Variants in MEF2C observed in about 807,000 individuals in gnomAD.
MEF2C encodes myocyte-specific enhancer factor 2C.
In MEF2C, 6 loss-of-function variants were observed where a neutral mutation model predicts 50.5. That is an observed-to-expected ratio of 0.12 (90% confidence interval 0.07 to 0.23). The LOEUF (loss-of-function observed/expected upper bound fraction) is 0.23. Among genes scored for constraint, MEF2C ranks in the 10% least tolerant of loss-of-function variants. The probability of loss-of-function intolerance (pLI) is 1.00; values close to 1 mark genes in which losing one functional copy is unlikely to be tolerated. For synonymous variants in MEF2C, 183 were observed against 228.0 expected (o/e 0.80, Z 1.78); for missense variants, 276 against 605.0 (o/e 0.46, Z 5.70).
chr5:88,728,727 G>T, intron 9 of MEF2C, 99 bp from the exon 10 acceptor site: 1 of 850,628 alleles, frequency 1.2e-6, no homozygotes, highest in Non-Finnish European at 1.6e-6. Context: ...TATTCTATTA[G>T]GATTATCGTT....
chr5:88,753,005 G>A (rs565002684), intron 4 of MEF2C, among the ~76,000 whole-genome samples: 129 of 152,230 alleles, frequency 8.5e-4, no homozygotes, highest in Non-Finnish European at 1.3e-3. Context: ...ATTTATAGAA[G>A]GCATTAAGGC....
rs746635842 is a variant in MEF2C at position 88,781,971 on chromosome 5, AAAAACAAAAC to A, written c.259-20653_259-20644del. ...CTGGGCAACAGAGTGAGACTCTGTC[AAAAACAAAAC>A]AAAACAAAACAAAAAACTGCACATG... On this transcript the variant is annotated intron_variant, in intron 3 of 10. Transcript: ENST00000504921. 1.9e-5 allele frequency: 6 copies of A among 317,000 alleles called. No homozygotes were observed. In the South Asian group the frequency reaches 6.4e-4, roughly 34 times the overall value. The allele number at this position is 317,000 out of a possible 1,614,324, so 19.6% of individuals were successfully genotyped here. A position where few individuals can be genotyped will look rare whatever the true frequency, so the allele number is the denominator to read the frequency against.
At chr5:88,802,674 C>G (rs1040859157) in intron 3 of MEF2C, among the ~76,000 whole-genome samples, 1 of 152,168 alleles carries the variant, frequency 6.6e-6, no homozygotes, top group African/African-American at 2.4e-5. Flanking sequence ...CTCTCAAACT[C>G]CTGAGCTCAG....
chr5:88,775,153 T>C (rs1784184836), intron 3 of MEF2C, among the ~76,000 whole-genome samples: 1 of 152,242 alleles, frequency 6.6e-6, no homozygotes, highest in Non-Finnish European at 1.5e-5. Context: ...AGAGTATTTC[T>C]AGGACCGACA....
At chr5:88,854,403 T>A (rs908865276) in intron 1 of MEF2C, among the ~76,000 whole-genome samples, 7 of 152,192 alleles carry the variant, frequency 4.6e-5, no homozygotes, top group African/African-American at 7.2e-5. Context: ...CTACATTTTA[T>A]CAAACTTGGA....
intron 1 of MEF2C, among the ~76,000 whole-genome samples, chr5:88,892,767 C>T (rs914560031): frequency 5.3e-5 from 8 of 152,124 alleles, no homozygotes; most frequent in Non-Finnish European, 8.8e-5. Context: ...CCTGGTTGAC[C>T]TTTGGAATGC....
intron 4 of MEF2C, chr5:88,760,975 CT>C: frequency 6.2e-7 from 1 of 1,603,702 alleles, no homozygotes; most frequent in South Asian, 1.1e-5. Context: ...AGCCATCTAC[CT>C]TTGGTACTTA....
At chr5:88,834,232 G>A (rs1432153238) in intron 1 of MEF2C, among the ~76,000 whole-genome samples, 1 of 152,126 alleles carries the variant, frequency 6.6e-6, no homozygotes, top group Non-Finnish European at 1.5e-5. Context: ...TGCAGTCCAC[G>A]CTACCTGCCA....
chr5:88,787,414 C>A (rs1477269526), intron 3 of MEF2C, among the ~76,000 whole-genome samples: 1 of 151,530 alleles, frequency 6.6e-6, no homozygotes, highest in African/African-American at 2.4e-5. Context: ...TCATGACAGC[C>A]CCGTAAGGAG....
At chr5:88,765,801 A>T (rs538046500) in intron 3 of MEF2C, among the ~76,000 whole-genome samples, 118 of 152,298 alleles carry the variant, frequency 7.7e-4, no homozygotes, top group Non-Finnish European at 1.4e-3. Context: ...AAGGCAAGAG[A>T]TCTCCTAAAA....
intron 6 of MEF2C, chr5:88,735,226 G>C: frequency 3.0e-6 from 3 of 985,392 alleles, no homozygotes; most frequent in Non-Finnish European, 3.6e-6. Flanking sequence ...GGCCTGTGTT[G>C]AGCCTGTTGT....
intron 1 of MEF2C, among the ~76,000 whole-genome samples, chr5:88,850,845 C>T (rs2153382755): frequency 6.6e-6 from 1 of 152,198 alleles, no homozygotes; most frequent in East Asian, 1.9e-4. Context: ...TTTCTTCCAT[C>T]TCTACCACCC....
At chr5:88,794,040 A>G (rs558705718) in intron 3 of MEF2C, among the ~76,000 whole-genome samples, 2 of 152,300 alleles carry the variant, frequency 1.3e-5, no homozygotes, top group African/African-American at 2.4e-5. Flanking sequence ...TATCCAGTCT[A>G]TCATTGATGG....
chr5:88,782,174 A>G (rs1788425031), intron 3 of MEF2C: 1 of 981,892 alleles, frequency 1.0e-6, no homozygotes, highest in Non-Finnish European at 1.2e-6. Flanking sequence ...TATAGTTTAA[A>G]ATAAACCTCC....
chr5:88,729,679 G>A (rs1760578613), intron 8 of MEF2C, among the ~76,000 whole-genome samples: 1 of 151,906 alleles, frequency 6.6e-6, no homozygotes, highest in African/African-American at 2.4e-5. Context: ...TCATTCAAAT[G>A]CAAATTAAAA....
chr5:88,854,690 G>A (rs897022692), intron 1 of MEF2C, among the ~76,000 whole-genome samples: 1 of 152,130 alleles, frequency 6.6e-6, no homozygotes, highest in Non-Finnish European at 1.5e-5. Flanking sequence ...AAACAAAGAT[G>A]AGTAAGGTGC....
intron 6 of MEF2C, chr5:88,737,773 G>C (rs111284744): frequency 8.1e-6 from 8 of 985,336 alleles, no homozygotes; most frequent in African/African-American, 1.7e-5. Flanking sequence ...AAAGTTTTCC[G>C]AAGTTGAAAA....
intron 5 of MEF2C, among the ~76,000 whole-genome samples, chr5:88,749,834 T>A (rs1195872763): frequency 6.6e-6 from 1 of 152,080 alleles, no homozygotes; most frequent in Non-Finnish European, 1.5e-5. Context: ...ATAGAGACCA[T>A]CCTGGCTAAC....
chr5:88,810,743 G>A (rs1401323285), intron 2 of MEF2C, among the ~76,000 whole-genome samples: 1 of 152,092 alleles, frequency 6.6e-6, no homozygotes, highest in Non-Finnish European at 1.5e-5. Flanking sequence ...ATAGAATTCA[G>A]TACTTTTCCC....
Sources: gnomAD v4.1 joint callset for allele counts (sites outside exome capture counted in the v4.1 genomes callset) on GRCh38, gnomAD v4.1.1 for gene constraint, MANE v1.5 for transcripts, NCBI Gene and HGNC (gene_info 2026-07-23, HGNC 2026-07-21) for gene names.